TMEM177: variants seen among roughly 807,000 people sequenced by gnomAD.
The protein encoded by TMEM177 is transmembrane protein 177.
TMEM177 carries 4 observed loss-of-function variants against 14.2 expected under a neutral mutation model. The observed-to-expected ratio is 0.28, with a 90% CI of 0.14 to 0.64. TMEM177 has a LOEUF of 0.64. Ranked by LOEUF, TMEM177 falls within the 30% of genes least tolerant of loss-of-function variation. The pLI, the probability that TMEM177 is intolerant of heterozygous loss-of-function variation, is 0.82. For missense variants in TMEM177, 344 were observed against 405.2 expected (o/e 0.85, Z 1.30); for synonymous variants, 179 against 174.5 (o/e 1.03, Z -0.20).
chr2:119,683,838 T>C (rs552995387), downstream of TMEM177, among the ~76,000 whole-genome samples: 1 of 152,284 alleles, frequency 6.6e-6, no homozygotes, highest in East Asian at 1.9e-4. Context: ...ACAGCCCGGC[T>C]CAGGCCACCT....
At chr2:119,715,524 T>G in the TMEM177 span, among the ~76,000 whole-genome samples, 1 of 152,108 alleles carries the variant, frequency 6.6e-6, no homozygotes, top group Non-Finnish European at 1.5e-5. Flanking sequence ...TCTTCAAGTT[T>G]CGACTCAAGA....
At chr2:119,709,692 G>A in the TMEM177 span, among the ~76,000 whole-genome samples, 149 of 151,732 alleles carry the variant, frequency 9.8e-4, 1 homozygote, top group Non-Finnish European at 1.9e-3. Flanking sequence ...GGGTGTAGTG[G>A]TGGGCGCCTG....
chr2:119,703,315 G>A, the TMEM177 span, among the ~76,000 whole-genome samples: 6 of 152,328 alleles, frequency 3.9e-5, no homozygotes, highest in South Asian at 4.1e-4. Flanking sequence ...AGCTGGGAGC[G>A]AGGCTGGGCC....
chr2:119,682,734 C>T (rs1160728503), downstream of TMEM177, among the ~76,000 whole-genome samples: 1 of 152,168 alleles, frequency 6.6e-6, no homozygotes, highest in Non-Finnish European at 1.5e-5. Flanking sequence ...CCACTGGCGC[C>T]ATCCAGAGCT....
At chr2:119,708,009 C>G in the TMEM177 span, among the ~76,000 whole-genome samples, 1 of 152,214 alleles carries the variant, frequency 6.6e-6, no homozygotes, top group African/African-American at 2.4e-5. Flanking sequence ...CTGTTTTGCC[C>G]CTGTGCTACA....
At chr2:119,714,925 G>A in the TMEM177 span, among the ~76,000 whole-genome samples, 31 of 152,324 alleles carry the variant, frequency 2.0e-4, no homozygotes, top group African/African-American at 6.7e-4. Context: ...CAAGGCAATA[G>A]GGAGGGAATG....
Position 119,680,873 on chromosome 2 carries a change from G to A in TMEM177, c.20G>A (p.Arg7Gln), listed in dbSNP as rs754337413. MAGPLWRTAAFVQRHRT... is the reference protein window; with the variant it reads MAGPLWQTAAFVQRHRT... ...ACACTCATGGCAGGTCCCCTGTGGC[G>A]GACCGCAGCATTTGTGCAGAGACAC... is the stretch of plus-strand genomic sequence containing the variant. The change falls in exon 2 of 2, where the codon CGG becomes CAG. Residue 7 changes from arginine to glutamine, a missense_variant. Transcript: ENST00000272521. 3.4e-5 allele frequency: 55 copies of A among 1,613,396 alleles called. No individual in the cohort carries two copies. Among genetic ancestry groups the A allele is most frequent in the East Asian group, 4.5e-5 (2 of 44,884 alleles).
chr2:119,685,089 T>C (rs1394717373), downstream of TMEM177, among the ~76,000 whole-genome samples: 1 of 152,056 alleles, frequency 6.6e-6, no homozygotes, highest in Admixed American at 6.6e-5. Context: ...CCATCCCAGG[T>C]TCATGGTTCT....
downstream of TMEM177, among the ~76,000 whole-genome samples, chr2:119,688,395 G>C (rs535302412): frequency 2.0e-4 from 30 of 152,268 alleles, no homozygotes; most frequent in Middle Eastern, 0.01. Context: ...TGCCTTGGAA[G>C]GCAATTCCAT....
At chr2:119,687,053 AAT>A (rs1689026985), downstream of TMEM177, among the ~76,000 whole-genome samples, 1 of 152,164 alleles carries the variant, frequency 6.6e-6, no homozygotes, top group Non-Finnish European at 1.5e-5. Context: ...GGTTCTAAAC[AAT>A]AGAATACAGA....
At chr2:119,714,805 G>A in the TMEM177 span, among the ~76,000 whole-genome samples, 1 of 152,246 alleles carries the variant, frequency 6.6e-6, no homozygotes, top group African/African-American at 2.4e-5. Context: ...CTGATCAGGG[G>A]TCACACTGAC....
At chr2:119,721,336 C>G in the TMEM177 span, among the ~76,000 whole-genome samples, 1 of 152,260 alleles carries the variant, frequency 6.6e-6, no homozygotes, top group Non-Finnish European at 1.5e-5. Flanking sequence ...AATGAACACA[C>G]TGATGCACTG....
At chr2:119,692,557 C>T in the TMEM177 span, among the ~76,000 whole-genome samples, 4 of 152,210 alleles carry the variant, frequency 2.6e-5, no homozygotes, top group African/African-American at 9.7e-5. Context: ...GTGAAGCTTC[C>T]CTTTGGCCTG....
chr2:119,716,452 G>A, the TMEM177 span, among the ~76,000 whole-genome samples: 1 of 152,158 alleles, frequency 6.6e-6, no homozygotes, highest in Non-Finnish European at 1.5e-5. Flanking sequence ...GAAAAGATGT[G>A]GGTACGAGAC....
chr2:119,686,950 C>T (rs140062230), downstream of TMEM177, among the ~76,000 whole-genome samples: 41 of 152,292 alleles, frequency 2.7e-4, no homozygotes, highest in African/African-American at 9.4e-4. Context: ...CCCTTGGTGA[C>T]ATTTGTGTTA....
the TMEM177 span, among the ~76,000 whole-genome samples, chr2:119,703,984 G>A: frequency 6.6e-6 from 1 of 152,248 alleles, no homozygotes; most frequent in South Asian, 2.1e-4. Flanking sequence ...TGCCATTCCT[G>A]CCAGGACTCT....
chr2:119,690,274 T>C (rs1306685685), downstream of TMEM177, among the ~76,000 whole-genome samples: 1 of 152,162 alleles, frequency 6.6e-6, no homozygotes, highest in African/African-American at 2.4e-5. Context: ...CCTGCTCCAG[T>C]CGTGTAGGAC....
downstream of TMEM177, among the ~76,000 whole-genome samples, chr2:119,689,350 T>C (rs547682262): frequency 2.6e-5 from 4 of 152,104 alleles, no homozygotes; most frequent in African/African-American, 9.6e-5. Context: ...TTCAGTGCTG[T>C]GAAGATGTGT....
At chr2:119,702,531 TCC>T in the TMEM177 span, among the ~76,000 whole-genome samples, 3 of 152,290 alleles carry the variant, frequency 2.0e-5, no homozygotes, top group East Asian at 3.9e-4. Context: ...TAGGACATAA[TCC>T]CAGGGAAAGG....
Sources: allele counts gnomAD v4.1 joint callset (sites outside exome capture counted in the v4.1 genomes callset), GRCh38; gene constraint gnomAD v4.1.1; transcripts MANE v1.5; gene names NCBI Gene and HGNC (gene_info 2026-07-23, HGNC 2026-07-21).